Variants in ACVR2A observed in about 807,000 individuals in gnomAD.
ACVR2A encodes activin receptor type-2A.
A neutral mutation model predicts 61.4 loss-of-function variants in ACVR2A; 7 were observed. That is an observed-to-expected ratio of 0.11 (90% CI 0.06 to 0.21). The LOEUF is 0.21. ACVR2A is among the 10% of genes least tolerant of loss of function. ACVR2A has a pLI of 1.00. For missense variants in ACVR2A, 322 were observed against 621.7 expected (o/e 0.52, Z 5.13); for synonymous variants, 193 against 208.3 (o/e 0.93, Z 0.63).
At chr2:147,878,085 T>G (rs1263737513) in intron 1 of ACVR2A, among the ~76,000 whole-genome samples, 1 of 152,178 alleles carries the variant, frequency 6.6e-6, no homozygotes, top group Non-Finnish European at 1.5e-5. Context: ...TTAAAATAAT[T>G]CTTTGTGGTA....
Position 147,915,166 on chromosome 2 carries a change from T to C in ACVR2A, c.529-25T>C, listed in dbSNP as rs370635632. 2.5e-6 allele frequency: 4 copies of C among 1,606,694 alleles called. No homozygotes were observed. The East Asian group carries it at 6.7e-5, about 27-fold the overall frequency. ...GTGTGTGTCATGTTCTGCTTATTTATAGTATTATTATTATTTATCTGTAGG... is the reference window on the plus strand; with the variant it reads ...GTGTGTGTCATGTTCTGCTTATTTACAGTATTATTATTATTTATCTGTAGG... On this transcript the variant is annotated intron_variant, in intron 4 of 10. Coordinates refer to ENST00000241416, the MANE Select transcript of ACVR2A (RefSeq NM_001616.5).
intron 4 of ACVR2A, among the ~76,000 whole-genome samples, chr2:147,904,927 A>T (rs1002841176): frequency 6.6e-6 from 1 of 152,068 alleles, no homozygotes. Flanking sequence ...TATTACATTC[A>T]TAGAAACATG....
intron 1 of ACVR2A, among the ~76,000 whole-genome samples, chr2:147,865,393 A>G (rs532953763): frequency 2.0e-5 from 3 of 152,340 alleles, no homozygotes; most frequent in Non-Finnish European, 2.9e-5. Flanking sequence ...AGCCTAATCT[A>G]AAGCATTCTT....
intron 3 of ACVR2A, 57 bp from the exon 4 acceptor site, chr2:147,899,686 AT>A (rs1686826479): frequency 6.3e-7 from 1 of 1,598,180 alleles, no homozygotes; most frequent in South Asian, 1.1e-5. Context: ...TATGACAGAT[AT>A]TTATTATAGA....
chr2:147,927,047 G>A (rs1372750538), intron 10 of ACVR2A, 33 bp from the exon 11 acceptor site: 1 of 1,583,346 alleles, frequency 6.3e-7, no homozygotes, highest in Non-Finnish European at 8.6e-7. Context: ...AAAAACTGCT[G>A]TGGCGTTTGA....
At chr2:147,853,728 G>A (rs1193392694) in intron 1 of ACVR2A, among the ~76,000 whole-genome samples, 1 of 152,034 alleles carries the variant, frequency 6.6e-6, no homozygotes, top group Non-Finnish European at 1.5e-5. Flanking sequence ...ATAAAAGTAA[G>A]CCTATTTATA....
intron 1 of ACVR2A, among the ~76,000 whole-genome samples, chr2:147,847,914 A>C (rs1365143170): frequency 6.6e-6 from 1 of 152,240 alleles, no homozygotes; most frequent in Non-Finnish European, 1.5e-5. Flanking sequence ...GATTTATCCT[A>C]TCTAGAGTTA....
intron 4 of ACVR2A, among the ~76,000 whole-genome samples, chr2:147,904,853 G>A (rs750812499): frequency 6.6e-6 from 1 of 152,000 alleles, no homozygotes; most frequent in Non-Finnish European, 1.5e-5. Context: ...GGGGGAGGGT[G>A]CAGGAGAAAT....
chr2:147,897,164 A>G (rs1370443795), intron 2 of ACVR2A: 1 of 151,548 alleles, frequency 6.6e-6, no homozygotes, highest in African/African-American at 2.4e-5. Flanking sequence ...ATGCACCACC[A>G]TGCCTGGCTA....
intron 1 of ACVR2A, among the ~76,000 whole-genome samples, chr2:147,856,727 C>A (rs542003381): frequency 6.6e-6 from 1 of 152,126 alleles, no homozygotes; most frequent in East Asian, 1.9e-4. Flanking sequence ...AATAGTAAAG[C>A]AATTTGATTA....
intron 2 of ACVR2A, among the ~76,000 whole-genome samples, chr2:147,897,588 A>G (rs185395591): frequency 1.3e-5 from 2 of 152,270 alleles, no homozygotes; most frequent in Admixed American, 6.5e-5. Context: ...GTACTGCTGT[A>G]TACAGTGAAC....
At chr2:147,846,855 C>T (rs946288202) in intron 1 of ACVR2A, among the ~76,000 whole-genome samples, 30 of 152,226 alleles carry the variant, frequency 2.0e-4, no homozygotes, top group African/African-American at 7.2e-4. Context: ...ATCTCTTGCC[C>T]TTGAGGAGGA....
At chr2:147,900,179 T>A (rs1343327155) in intron 4 of ACVR2A, among the ~76,000 whole-genome samples, 1 of 152,082 alleles carries the variant, frequency 6.6e-6, no homozygotes, top group East Asian at 1.9e-4. Context: ...CTAACCTGCT[T>A]TGCTTCTTGA....
intron 1 of ACVR2A, among the ~76,000 whole-genome samples, chr2:147,884,159 G>GT (rs1464391649): frequency 1.3e-5 from 2 of 151,936 alleles, no homozygotes; most frequent in East Asian, 3.9e-4. Context: ...GCCCGATTTT[G>GT]TTTTTTTGTG....
chr2:147,850,499 C>T (rs116589316), intron 1 of ACVR2A, among the ~76,000 whole-genome samples: 1,949 of 152,086 alleles, frequency 0.013, 49 homozygotes, highest in African/African-American at 0.044. Flanking sequence ...GAAAAAGTTT[C>T]GCTCATCTTA....
chr2:147,888,664 G>GGCT (rs145036399), intron 1 of ACVR2A, among the ~76,000 whole-genome samples: 20,975 of 150,112 alleles, frequency 0.14, 1,822 homozygotes, highest in Middle Eastern at 0.22. Flanking sequence ...TTAGTTCGGG[G>GGCT]GCTGCTGCTG....
intron 1 of ACVR2A, among the ~76,000 whole-genome samples, chr2:147,888,710 G>A (rs543535935): frequency 2.0e-5 from 3 of 148,996 alleles, no homozygotes; most frequent in South Asian, 2.1e-4. Context: ...AGATTCCTTC[G>A]GAATTCCTCC....
intron 1 of ACVR2A, among the ~76,000 whole-genome samples, chr2:147,874,320 G>A (rs1686100136): frequency 6.6e-6 from 1 of 151,864 alleles, no homozygotes; most frequent in Non-Finnish European, 1.5e-5. Flanking sequence ...TGGATTAAAT[G>A]AGATTATATA....
At chr2:147,896,097 G>A (rs1686726257) in intron 1 of ACVR2A, among the ~76,000 whole-genome samples, 1 of 152,134 alleles carries the variant, frequency 6.6e-6, no homozygotes, top group Non-Finnish European at 1.5e-5. Context: ...GAGAAATACT[G>A]TGATATATAT....
Sources: allele counts gnomAD v4.1 joint callset (sites outside exome capture counted in the v4.1 genomes callset), GRCh38; gene constraint gnomAD v4.1.1; transcripts MANE v1.5; gene names NCBI Gene and HGNC (gene_info 2026-07-23, HGNC 2026-07-21).